CDH13: variants seen among roughly 807,000 people sequenced by gnomAD.
CDH13 encodes cadherin 13.
CDH13 carries 24 observed loss-of-function variants against 63.8 expected under a neutral mutation model. The ratio of observed to expected loss-of-function variants is 0.38; its 90% confidence interval spans 0.27 to 0.53. The LOEUF (loss-of-function observed/expected upper bound fraction) is 0.53, where lower values mean the gene tolerates loss of function less well. Ranked by LOEUF, CDH13 falls within the 20% of genes least tolerant of loss-of-function variation. CDH13 has a pLI of 0.85. For synonymous variants in CDH13, 503 were observed against 355.3 expected, an observed-to-expected ratio of 1.42 and a Z score of -4.67; for missense variants, 1,049 against 903.1, an observed-to-expected ratio of 1.16 and a Z score of -2.07.
intron 5 of CDH13, among the ~76,000 whole-genome samples, chr16:83,323,452 T>G (rs1057024041): frequency 4.5e-4 from 67 of 149,504 alleles, no homozygotes; most frequent in African/African-American, 1.6e-3. Flanking sequence ...GGCTAATTTT[T>G]GTATTTTTAG....
At chr16:83,548,375 A>G (rs1598270803) in intron 7 of CDH13, among the ~76,000 whole-genome samples, 1 of 152,218 alleles carries the variant, frequency 6.6e-6, no homozygotes, top group Non-Finnish European at 1.5e-5. Context: ...TTTCATAGGT[A>G]AAAACTAAGG....
At chr16:83,395,027 A>C (rs376105399) in intron 6 of CDH13, among the ~76,000 whole-genome samples, 8 of 152,070 alleles carry the variant, frequency 5.3e-5, no homozygotes, top group African/African-American at 1.2e-4. Context: ...GGGCACCTGT[A>C]ATCCCAGGTA....
At chr16:83,680,358 G>C (rs972009002) in intron 10 of CDH13, among the ~76,000 whole-genome samples, 10 of 152,306 alleles carry the variant, frequency 6.6e-5, no homozygotes, top group African/African-American at 2.4e-4. Context: ...ACAGCACAGA[G>C]GGCCGCTGAC....
At chr16:83,555,076 T>G (rs1275922919) in intron 7 of CDH13, among the ~76,000 whole-genome samples, 1 of 152,156 alleles carries the variant, frequency 6.6e-6, no homozygotes, top group Non-Finnish European at 1.5e-5. Flanking sequence ...TCTACCAGCT[T>G]GCAGCCCCTC....
Position 83,797,638 on chromosome 16 carries a change from T to C in CDH13, c.*2608T>C, listed in dbSNP as rs578119459. ...ATATTACATTGTTTACTGAAAACCATAGTAGAATCAAAATGTTATTTCATT... is the reference window on the plus strand; with the variant it reads ...ATATTACATTGTTTACTGAAAACCACAGTAGAATCAAAATGTTATTTCATT... On this transcript the variant is annotated 3_prime_UTR_variant, in exon 14 of 14. Coordinates refer to ENST00000567109, the MANE Select transcript of CDH13 (RefSeq NM_001257.5). 3 of 152,240 alleles carry C rather than the reference T, an allele frequency of 2.0e-5. No individual in the cohort carries two copies. The highest frequency in any genetic ancestry group is 2.9e-5 in the Non-Finnish European group (2 of 68,048). 9.4% of individuals were successfully genotyped at this position (152,240 alleles called of 1,614,324 possible). A position where few individuals can be genotyped will look rare whatever the true frequency, so the allele number is the denominator to read the frequency against.
At chr16:82,745,460 C>T (rs764580734) in intron 1 of CDH13, among the ~76,000 whole-genome samples, 12 of 151,954 alleles carry the variant, frequency 7.9e-5, no homozygotes, top group East Asian at 1.9e-4. Flanking sequence ...AAAAATTAGC[C>T]GGGCATGGTG....
chr16:83,704,234 T>G (rs1567531683), intron 10 of CDH13, among the ~76,000 whole-genome samples: 1 of 152,146 alleles, frequency 6.6e-6, no homozygotes, highest in Non-Finnish European at 1.5e-5. Context: ...ATGTCTTCTC[T>G]TAGGTGGGGT....
At chr16:82,860,745 G>A (rs2039911676) in intron 2 of CDH13, among the ~76,000 whole-genome samples, 1 of 152,270 alleles carries the variant, frequency 6.6e-6, no homozygotes, top group South Asian at 2.1e-4. Flanking sequence ...GGTTAATGGT[G>A]CCTAAATGAG....
chr16:82,872,714 C>A (rs781303995), intron 2 of CDH13, among the ~76,000 whole-genome samples: 4 of 152,064 alleles, frequency 2.6e-5, no homozygotes, highest in Non-Finnish European at 5.9e-5. Context: ...CAAAATATCC[C>A]CAAGGACTTC....
At chr16:83,612,542 C>T (rs939436882) in intron 8 of CDH13, among the ~76,000 whole-genome samples, 1 of 151,986 alleles carries the variant, frequency 6.6e-6, no homozygotes, top group African/African-American at 2.4e-5. Flanking sequence ...TTCAATCTAC[C>T]AGTCTAAGTA....
intron 11 of CDH13, among the ~76,000 whole-genome samples, chr16:83,753,210 T>G (rs1913233566): frequency 6.6e-6 from 1 of 152,180 alleles, no homozygotes; most frequent in Admixed American, 6.5e-5. Context: ...TTACCTCTAG[T>G]ATTATGTTTA....
intron 5 of CDH13, among the ~76,000 whole-genome samples, chr16:83,321,251 C>G (rs952448591): frequency 6.6e-6 from 1 of 152,174 alleles, no homozygotes; most frequent in African/African-American, 2.4e-5. Context: ...GAATTAGTGT[C>G]TCAAGTTGAT....
chr16:82,628,745 C>G (rs143291515), intron 1 of CDH13, among the ~76,000 whole-genome samples: 104 of 152,228 alleles, frequency 6.8e-4, no homozygotes, highest in African/African-American at 2.3e-3. Flanking sequence ...CCCTAGAGAC[C>G]CCAAGGCTGT....
chr16:82,917,281 C>T (rs892737968), intron 2 of CDH13, among the ~76,000 whole-genome samples: 1 of 152,084 alleles, frequency 6.6e-6, no homozygotes, highest in Admixed American at 6.5e-5. Context: ...TGGGTGGGTC[C>T]AATGGAAGAA....
chr16:82,930,961 A>C (rs949367998), intron 2 of CDH13, among the ~76,000 whole-genome samples: 1 of 152,334 alleles, frequency 6.6e-6, no homozygotes, highest in Middle Eastern at 3.4e-3. Context: ...TCATTTCCCC[A>C]CAGGGGCAGC....
At chr16:83,729,967 G>C (rs1455835127) in intron 10 of CDH13, among the ~76,000 whole-genome samples, 4 of 152,202 alleles carry the variant, frequency 2.6e-5, no homozygotes, top group African/African-American at 9.6e-5. Flanking sequence ...TACCGTGCTT[G>C]TGAGAAGGGG....
At chr16:83,138,867 C>T (rs1478136230) in intron 4 of CDH13, among the ~76,000 whole-genome samples, 1 of 152,078 alleles carries the variant, frequency 6.6e-6, no homozygotes, top group Non-Finnish European at 1.5e-5. Context: ...GGAAAGAGGG[C>T]ACAGTGAAGG....
At chr16:82,853,894 C>G (rs1275325650) in intron 1 of CDH13, among the ~76,000 whole-genome samples, 1 of 152,072 alleles carries the variant, frequency 6.6e-6, no homozygotes, top group African/African-American at 2.4e-5. Flanking sequence ...AAAACTATGT[C>G]CAGGTAGTAT....
At chr16:83,322,488 A>G (rs1330615723) in intron 5 of CDH13, among the ~76,000 whole-genome samples, 2 of 152,216 alleles carry the variant, frequency 1.3e-5, no homozygotes, top group Non-Finnish European at 2.9e-5. Flanking sequence ...CAACCAACAA[A>G]TTAATGAGCA....
Sources: gnomAD v4.1 joint callset for allele counts (sites outside exome capture counted in the v4.1 genomes callset) on GRCh38, gnomAD v4.1.1 for gene constraint, MANE v1.5 for transcripts, NCBI Gene and HGNC (gene_info 2026-07-23, HGNC 2026-07-21) for gene names.